The following PTPRR variants were observed in gnomAD, a reference collection of about 807,000 sequenced individuals.
PTPRR encodes protein tyrosine phosphatase receptor type R.
Under a neutral mutation model 77.2 loss-of-function variants are expected in PTPRR, and 38 were observed. The observed-to-expected ratio is 0.49, with a 90% CI of 0.38 to 0.65. The LOEUF is 0.65. Ranked by LOEUF, PTPRR falls within the 30% of genes least tolerant of loss-of-function variation. The pLI is 0.00. For synonymous variants in PTPRR, 299 were observed against 283.1 expected (o/e 1.06, Z -0.57); for missense variants, 744 against 799.2 (o/e 0.93, Z 0.83).
At chr12:70,852,089 A>G (rs1359145452) in intron 2 of PTPRR, among the ~76,000 whole-genome samples, 2 of 152,184 alleles carry the variant, frequency 1.3e-5, no homozygotes, top group Admixed American at 6.6e-5. Context: ...GTATGAGTGC[A>G]TGAGTGGGTG....
At chr12:70,733,088 G>T (rs1217508910) in intron 6 of PTPRR, among the ~76,000 whole-genome samples, 1 of 151,956 alleles carries the variant, frequency 6.6e-6, no homozygotes, top group Non-Finnish European at 1.5e-5. Context: ...GAAAAGGGGA[G>T]AATCCTTGAG....
chr12:70,863,070 A>C (rs186141838), intron 2 of PTPRR, among the ~76,000 whole-genome samples: 1 of 152,302 alleles, frequency 6.6e-6, no homozygotes, highest in Admixed American at 6.5e-5. Context: ...CCTATTCTCT[A>C]CTAGAGGTCT....
rs1450076466 is a variant in PTPRR at position 70,662,518 on chromosome 12, T to C, written c.1585A>G (p.Thr529Ala). 1.2e-6 allele frequency: 2 copies of C among 1,607,232 alleles called. No individual in the cohort carries two copies. Among genetic ancestry groups the C allele is most frequent in the Admixed American group, 3.3e-5 (2 of 59,702 alleles). The change falls in exon 11 of 14, where the codon ACC (threonine) becomes GCC (alanine). Residue 529 changes from threonine (T) to alanine (A), a missense_variant. By Grantham distance (58) the Thr-to-Ala change is moderately conservative (BLOSUM62 0). Transcript: ENST00000283228. ...ACCTTTAAGACAAGGTTTCGAATGGTGTAGTTATCACATTCATTTACACTG... is the reference window on the plus strand; with the variant it reads ...ACCTTTAAGACAAGGTTTCGAATGGCGTAGTTATCACATTCATTTACACTG... ...VISVNECDNY[T>A]IRNLVLKQGS... is the part of the protein sequence containing the mutation.
At chr12:70,886,704 A>G (rs1893245681) in intron 2 of PTPRR, among the ~76,000 whole-genome samples, 1 of 152,240 alleles carries the variant, frequency 6.6e-6, no homozygotes, top group Non-Finnish European at 1.5e-5. Context: ...ATTAAGTGTT[A>G]AAATTGCATA....
intron 12 of PTPRR, among the ~76,000 whole-genome samples, chr12:70,658,275 G>T (rs984575069): frequency 6.6e-6 from 1 of 152,178 alleles, no homozygotes; most frequent in Admixed American, 6.5e-5. Context: ...AAAAGGCTCA[G>T]TTCAGCATTA....
At chr12:70,904,369 T>G (rs1016101066) in intron 1 of PTPRR, among the ~76,000 whole-genome samples, 2 of 151,802 alleles carry the variant, frequency 1.3e-5, no homozygotes, top group Non-Finnish European at 2.9e-5. Flanking sequence ...GTAATACCAC[T>G]CATCAGTAAA....
chr12:70,671,181 A>C (rs941199408), intron 10 of PTPRR, among the ~76,000 whole-genome samples: 5 of 152,188 alleles, frequency 3.3e-5, no homozygotes, highest in Non-Finnish European at 4.4e-5. Context: ...GGTAGTGTGA[A>C]GTCTACTGTG....
chr12:70,782,437 G>C (rs909092139), intron 2 of PTPRR, among the ~76,000 whole-genome samples: 13 of 152,120 alleles, frequency 8.5e-5, no homozygotes, highest in East Asian at 1.9e-4. Flanking sequence ...TTGGAACCAA[G>C]CCAAATGTCC....
At chr12:70,899,248 G>A (rs1893488632) in intron 1 of PTPRR, among the ~76,000 whole-genome samples, 1 of 151,132 alleles carries the variant, frequency 6.6e-6, no homozygotes, top group African/African-American at 2.4e-5. Flanking sequence ...GATAACAAAA[G>A]CAGATAGAGA....
At chr12:70,644,413 G>A (rs1566038690) in intron 13 of PTPRR, among the ~76,000 whole-genome samples, 1 of 152,112 alleles carries the variant, frequency 6.6e-6, no homozygotes, top group Non-Finnish European at 1.5e-5. Flanking sequence ...TACCAGGGGG[G>A]ACCAGAGTAT....
At chr12:70,760,303 A>T (rs944539408) in intron 4 of PTPRR, among the ~76,000 whole-genome samples, 20 of 152,202 alleles carry the variant, frequency 1.3e-4, no homozygotes, top group African/African-American at 4.8e-4. Context: ...CCATGGTCAC[A>T]CACATTTTAC....
chr12:70,861,212 A>G (rs1489402727), intron 2 of PTPRR, among the ~76,000 whole-genome samples: 3 of 152,132 alleles, frequency 2.0e-5, no homozygotes, highest in African/African-American at 7.2e-5. Context: ...CTAGCAGGGA[A>G]TGAGAGGTGG....
At chr12:70,866,078 AG>A (rs1892839916) in intron 2 of PTPRR, among the ~76,000 whole-genome samples, 1 of 152,152 alleles carries the variant, frequency 6.6e-6, no homozygotes, top group Admixed American at 6.6e-5. Flanking sequence ...CACAAGAGAA[AG>A]CAGGAAAGAT....
chr12:70,719,713 G>A (rs1166176455), intron 6 of PTPRR, among the ~76,000 whole-genome samples: 1 of 152,100 alleles, frequency 6.6e-6, no homozygotes, highest in East Asian at 1.9e-4. Context: ...GGAAACCCCT[G>A]CTAAGAGCAT....
intron 6 of PTPRR, among the ~76,000 whole-genome samples, chr12:70,719,509 C>T (rs1475599982): frequency 6.7e-6 from 1 of 149,490 alleles, no homozygotes; most frequent in African/African-American, 2.5e-5. Context: ...CTAACAATTT[C>T]CTTTGTTAGG....
chr12:70,766,728 T>C (rs11178405), intron 2 of PTPRR, among the ~76,000 whole-genome samples: 9,928 of 150,818 alleles, frequency 0.066, 359 homozygotes, highest in Admixed American at 0.086. Context: ...TCACCAAAGT[T>C]GAAAAGAAGG....
At chr12:70,771,143 T>G (rs2136983027) in intron 2 of PTPRR, among the ~76,000 whole-genome samples, 1 of 148,822 alleles carries the variant, frequency 6.7e-6, no homozygotes, top group African/African-American at 2.5e-5. Context: ...ACCCTAAAAC[T>G]TAAAGTATAA....
At chr12:70,650,117 T>C (rs1264508167) in intron 13 of PTPRR, among the ~76,000 whole-genome samples, 1 of 152,218 alleles carries the variant, frequency 6.6e-6, no homozygotes, top group Non-Finnish European at 1.5e-5. Context: ...TAATGCTTAT[T>C]GTGAGTCTCC....
chr12:70,771,247 C>A (rs1565691038), intron 2 of PTPRR, among the ~76,000 whole-genome samples: 1 of 151,994 alleles, frequency 6.6e-6, no homozygotes, highest in Non-Finnish European at 1.5e-5. Flanking sequence ...ATGTTCTTTG[C>A]AGCACATGGT....
Sources: gnomAD v4.1 joint callset for allele counts (sites outside exome capture counted in the v4.1 genomes callset) on GRCh38, gnomAD v4.1.1 for gene constraint, MANE v1.5 for transcripts, NCBI Gene and HGNC (gene_info 2026-07-23, HGNC 2026-07-21) for gene names.